HTRA2: variants seen among roughly 807,000 people sequenced by gnomAD.
The protein encoded by HTRA2 is HtrA serine peptidase 2.
In HTRA2, 24 loss-of-function variants were observed where a neutral mutation model predicts 42.2. The ratio of observed to expected loss-of-function variants is 0.57; its 90% CI spans 0.41 to 0.80. The LOEUF is 0.80. Among genes scored for constraint, HTRA2 ranks in the 30% least tolerant of loss-of-function variants. The pLI, the probability that HTRA2 is intolerant of heterozygous loss-of-function variation, is 0.00. For missense variants in HTRA2, 466 were observed against 613.5 expected, an observed-to-expected ratio of 0.76 and a Z score of 2.54; for synonymous variants, 245 against 255.8, an observed-to-expected ratio of 0.96 and a Z score of 0.40.
chr2:74,529,656 G>A (rs1467910467), upstream of HTRA2: 8 of 1,546,534 alleles, frequency 5.2e-6, no homozygotes, highest in Non-Finnish European at 7.0e-6. Flanking sequence ...GCGCCCGGCC[G>A]TCGCCGCCGC....
In HTRA2 at chr2:74,533,039, G is replaced by A; in HGVS notation, c.*54G>A. The A allele has an allele frequency of 1.3e-6, 2 of 1,585,018 alleles. No individual in the cohort carries two copies. Among genetic ancestry groups the A allele is most frequent in the Non-Finnish European group, 1.7e-6 (2 of 1,157,178 alleles). On this transcript the variant is annotated 3_prime_UTR_variant, in exon 8 of 8. Coordinates refer to ENST00000258080, the MANE Select transcript of HTRA2 (RefSeq NM_013247.5). ...CTCTGATTTCCTCCTTGCCTTTCTGGCTGAGGTTCTGAGGGCACCGAGACA... is the reference window on the plus strand; with the variant it reads ...CTCTGATTTCCTCCTTGCCTTTCTGACTGAGGTTCTGAGGGCACCGAGACA...
chr2:74,530,599 G>C lies in HTRA2; in HGVS notation c.507-18G>C, dbSNP rs754451039. ...GGGGTCAGAGCCTCCTCTTATCTGT[G>C]CTTTCCCTCCATTTCAGGCACCCTT... On this transcript the variant is annotated intron_variant, in intron 1 of 7. Coordinates refer to ENST00000258080, the MANE Select transcript of HTRA2 (RefSeq NM_013247.5). The surrounding 1 kb of genome is among the most constrained non-coding windows in gnomAD (Gnocchi z 7.4). 3 of 1,613,980 alleles carry C rather than the reference G, an allele frequency of 1.9e-6. No homozygotes were observed. In the East Asian group the frequency reaches 6.7e-5, roughly 36 times the overall value.
rs771194907 is a variant in HTRA2 at position 74,531,063 on chromosome 2, C to G, written c.864C>G (p.Pro288=). The G allele has an allele frequency of 1.2e-6, 2 of 1,614,148 alleles. No homozygotes were observed. Among genetic ancestry groups the G allele is most frequent in the Admixed American group, 3.3e-5 (2 of 60,014 alleles). The part of the protein sequence containing the change: ...AQRPARDLGL[P]QTNVEYIQTD... The stretch of plus-strand genomic sequence containing the variant: ...GTCCAGCCAGAGACCTGGGACTCCC[C>G]CAAACCAATGTGGAATACATTCAAA... The change falls in exon 3 of 8, where the codon CCC becomes CCG. Residue 288 remains proline (P), a synonymous_variant. Transcript: ENST00000258080.
At position 74,530,397 on chromosome 2, in the gene HTRA2, G is replaced by T. The variant is rs1675501520; in HGVS notation, c.391G>T (p.Val131Phe). ...LWGGGRGPPA[V>F]LAAVPSPPPA... ...GGGCGGGGGTCGGGGTCCTCCGGCC[G>T]TCCTCGCCGCCGTCCCTAGCCCGCC... The change falls in exon 1 of 8, where the codon GTC becomes TTC. Residue 131 changes from valine (V) to phenylalanine (F), a missense_variant. Transcript: ENST00000258080. The surrounding 1 kb of genome is among the most constrained non-coding windows in gnomAD (Gnocchi z 7.4). 1 of 1,594,578 alleles carries T rather than the reference G, an allele frequency of 6.3e-7. No individual in the cohort carries two copies.
downstream of HTRA2, chr2:74,533,379 C>G: frequency 5.3e-6 from 3 of 563,014 alleles, no homozygotes; most frequent in South Asian, 6.1e-5. Context: ...CTGGTCTGTT[C>G]TGCTCGGTGC....
rs781093029 is a variant in HTRA2 at position 74,530,029 on chromosome 2, G to T, written c.23G>T (p.Arg8Leu). 6.4e-7 allele frequency: 1 copy of T among 1,551,044 alleles called. No homozygotes were observed. The highest frequency in any genetic ancestry group is 2.3e-5 in the East Asian group (1 of 43,860). Residue 8 changes from arginine (R) to leucine (L), a missense_variant, in exon 1 of 8, where the codon CGG becomes CTG. Physicochemically the swap from Arg to Leu is moderately radical, Grantham distance 102. Coordinates refer to ENST00000258080, the MANE Select transcript of HTRA2 (RefSeq NM_013247.5). This position sits in a 1 kb window ranked among gnomAD's most constrained non-coding sequence, Gnocchi z 7.4. MAAPRAG[R>L]GAGWSLRAWR... is the part of the protein sequence containing the mutation. ...CTGATGGCTGCGCCGAGGGCGGGGC[G>T]GGGTGCAGGCTGGAGCCTTCGGGCA...
At position 74,531,687 on chromosome 2, in the gene HTRA2, C is replaced by G. The variant is rs1386143095; in HGVS notation, c.1030C>G (p.Arg344Gly). ...PSDRLREFLH[R>G]GEKKNSSSGI... ...TGATCGTCTTCGAGAGTTTCTGCAT[C>G]GTGGGGAAAAGAAGAGTGAGCCTGC... The change falls in exon 5 of 8, where the codon CGT becomes GGT. Residue 344 changes from arginine to glycine, a missense_variant. Physicochemically the swap from Arg to Gly is moderately radical, Grantham distance 125. Coordinates refer to ENST00000258080, the MANE Select transcript of HTRA2 (RefSeq NM_013247.5). 6.2e-7 allele frequency: 1 copy of G among 1,613,984 alleles called. No individual in the cohort carries two copies. The highest frequency in any genetic ancestry group is 8.5e-7 in the Non-Finnish European group (1 of 1,180,026).
At position 74,531,095 on chromosome 2, in the gene HTRA2, C is replaced by G; in HGVS notation, c.896C>G (p.Ala299Gly). The G allele has an allele frequency of 6.2e-7, 1 of 1,614,072 alleles. No individual in the cohort carries two copies. The highest frequency in any genetic ancestry group is 8.5e-7 in the Non-Finnish European group (1 of 1,179,992). ...AATGTGGAATACATTCAAACTGATGCAGCTATTGATGTGCGTCCTGATAGG... is the reference window on the plus strand; with the variant it reads ...AATGTGGAATACATTCAAACTGATGGAGCTATTGATGTGCGTCCTGATAGG... ...QTNVEYIQTD[A>G]AIDFGNSGGP... The change falls in exon 3 of 8, where the codon GCA (alanine) becomes GGA (glycine). Residue 299 changes from alanine to glycine, a missense_variant. This residue lies in a region of HTRA2 where 115 missense variants were observed against 245.4 expected (regional missense o/e 0.47). Coordinates refer to ENST00000258080, the MANE Select transcript of HTRA2 (RefSeq NM_013247.5).
In HTRA2 at chr2:74,530,331, G is replaced by A. The variant is rs1172666570; in HGVS notation, c.325G>A (p.Val109Met). The A allele has an allele frequency of 1.1e-5, 18 of 1,594,600 alleles. No individual in the cohort carries two copies. The highest frequency in any genetic ancestry group is 1.5e-5 in the Non-Finnish European group (18 of 1,168,668). ...SGTRSRAWLA[V>M]ALGAGGAVLL... Reference sequence around the variant, plus strand: ...AACCCGTTCGCGCGCGTGGCTGGCGGTGGCGCTGGGCGCTGGGGGGGCAGT... The same window carrying A: ...AACCCGTTCGCGCGCGTGGCTGGCGATGGCGCTGGGCGCTGGGGGGGCAGT... The change falls in exon 1 of 8, where the codon GTG becomes ATG. Residue 109 changes from valine (V) to methionine (M), a missense_variant. By Grantham distance (21) the Val-to-Met change is conservative. Transcript: ENST00000258080. This position sits in a 1 kb window ranked among gnomAD's most constrained non-coding sequence, Gnocchi z 7.4.
rs775840965 is a variant in HTRA2 at position 74,530,042 on chromosome 2, G to T, written c.36G>T (p.Trp12Cys). The T allele has an allele frequency of 1.3e-6, 2 of 1,575,350 alleles. No homozygotes were observed. Among genetic ancestry groups the T allele is most frequent in the Non-Finnish European group, 1.7e-6 (2 of 1,154,746 alleles). Residue 12 changes from tryptophan (W) to cysteine (C), a missense_variant, in exon 1 of 8, where the codon TGG becomes TGT. Transcript: ENST00000258080. The surrounding 1 kb of genome is among the most constrained non-coding windows in gnomAD (Gnocchi z 7.4). Reference sequence around the variant, plus strand: ...CGAGGGCGGGGCGGGGTGCAGGCTGGAGCCTTCGGGCATGGCGGGCTTTGG... The same window carrying T: ...CGAGGGCGGGGCGGGGTGCAGGCTGTAGCCTTCGGGCATGGCGGGCTTTGG... ...AAPRAGRGAG[W>C]SLRAWRALGG... is the part of the protein sequence containing the mutation.
At chr2:74,529,456 C>T (rs370173846), upstream of HTRA2, 1 of 1,564,938 alleles carries the variant, frequency 6.4e-7, no homozygotes, top group Admixed American at 1.9e-5. Context: ...CCGACTGGCG[C>T]GTAGAGCAGC....
In HTRA2 at chr2:74,532,825, G is replaced by A. The variant is rs773390454; in HGVS notation, c.1217G>A (p.Gly406Asp). The A allele has an allele frequency of 2.5e-6, 4 of 1,613,970 alleles. No individual in the cohort carries two copies. Among genetic ancestry groups the A allele is most frequent in the African/African-American group, 1.3e-5 (1 of 74,868 alleles). Residue 406 changes from glycine to aspartate, a missense_variant, in exon 8 of 8, where the codon GGT becomes GAT. This residue lies in a region of HTRA2 where 129 missense variants were observed against 163.1 expected (regional missense o/e 0.79). Transcript: ENST00000258080. ...VILGSPAHRA[G>D]LRPGDVILAI... ...CTGTCCATTTTTCTCTATAGGGCTG[G>A]TCTGCGGCCTGGTGATGTGATTTTG...
chr2:74,533,412 C>G (rs1675770629), downstream of HTRA2: 1 of 589,442 alleles, frequency 1.7e-6, no homozygotes, highest in Non-Finnish European at 3.0e-6. Context: ...CAAAGATTCC[C>G]ATGCTTGGCT....
In HTRA2 at chr2:74,530,181, G is replaced by T; in HGVS notation, c.175G>T (p.Ala59Ser). ...GACTTATGGGACCCCCAGTCTCTGG[G>T]CCCGGTTGTCTGTTGGGGTCACTGA... is the stretch of plus-strand genomic sequence containing the variant. ...RVTYGTPSLWARLSVGVTEPR... is the reference protein window; with the variant it reads ...RVTYGTPSLWSRLSVGVTEPR... The change falls in exon 1 of 8, where the codon GCC (alanine) becomes TCC (serine). Residue 59 changes from alanine (A) to serine (S), a missense_variant. Physicochemically the swap from Ala to Ser is moderately conservative, Grantham distance 99. This residue lies in a region of HTRA2 where 222 missense variants were observed against 205.1 expected (regional missense o/e 1.08). Coordinates refer to ENST00000258080, the MANE Select transcript of HTRA2 (RefSeq NM_013247.5). The surrounding 1 kb of genome is among the most constrained non-coding windows in gnomAD (Gnocchi z 7.4). 6.2e-7 allele frequency: 1 copy of T among 1,611,848 alleles called. No individual in the cohort carries two copies. Among genetic ancestry groups the T allele is most frequent in the Non-Finnish European group, 8.5e-7 (1 of 1,179,284 alleles).
chr2:74,530,897 C>T lies in HTRA2; in HGVS notation c.712-14C>T, dbSNP rs772013612. 1.2e-6 allele frequency: 2 copies of T among 1,614,124 alleles called. No individual in the cohort carries two copies. The highest frequency in any genetic ancestry group is 1.7e-6 in the Non-Finnish European group (2 of 1,180,034). ...TCTTCAGATGACAGGTCTCTTTTAC[C>T]CATTCTCCCTTAGGAGCCTCTCCCC... On this transcript the variant is annotated splice_polypyrimidine_tract_variant and intron_variant, in intron 2 of 7. Transcript: ENST00000258080. This position sits in a 1 kb window ranked among gnomAD's most constrained non-coding sequence, Gnocchi z 7.4.
Position 74,530,577 on chromosome 2 carries a change from G to T in HTRA2, c.507-40G>T, listed in dbSNP as rs1675520443. ...GCTGGAGGGCGGGCGGGTAGGAGGG[G>T]TCAGAGCCTCCTCTTATCTGTGCTT... On this transcript the variant is annotated intron_variant, in intron 1 of 7. Transcript: ENST00000258080. This position sits in a 1 kb window ranked among gnomAD's most constrained non-coding sequence, Gnocchi z 7.4. 3.1e-6 allele frequency: 5 copies of T among 1,613,704 alleles called. No homozygotes were observed. Among genetic ancestry groups the T allele is most frequent in the Middle Eastern group, 3.3e-4 (2 of 6,060 alleles).
In HTRA2 at chr2:74,530,988, C is replaced by A; in HGVS notation, c.789C>A (p.Pro263=). 1 of 1,614,240 alleles carries A rather than the reference C, an allele frequency of 6.2e-7. No homozygotes were observed. ...QGEFVVAMGS[P]FALQNTITSG... is the part of the protein sequence containing the mutation. Reference sequence around the variant, plus strand: ...AGTTTGTTGTTGCCATGGGAAGTCCCTTTGCACTGCAGAACACGATCACAT... The same window carrying A: ...AGTTTGTTGTTGCCATGGGAAGTCCATTTGCACTGCAGAACACGATCACAT... The change falls in exon 3 of 8, where the codon CCC becomes CCA. Residue 263 remains proline, a synonymous_variant. Coordinates refer to ENST00000258080, the MANE Select transcript of HTRA2 (RefSeq NM_013247.5). This position sits in a 1 kb window ranked among gnomAD's most constrained non-coding sequence, Gnocchi z 7.4.
At position 74,530,692 on chromosome 2, in the gene HTRA2, C is replaced by T. The variant is rs760930273; in HGVS notation, c.582C>T (p.Val194=). 1.2e-6 allele frequency: 2 copies of T among 1,614,190 alleles called. No individual in the cohort carries two copies. Among genetic ancestry groups the T allele is most frequent in the South Asian group, 1.1e-5 (1 of 91,078 alleles). The change falls in exon 2 of 8, where the codon GTC becomes GTT. Residue 194 remains valine (V), a synonymous_variant. Transcript: ENST00000258080. The surrounding 1 kb of genome is among the most constrained non-coding windows in gnomAD (Gnocchi z 7.4). ...GFVVAADGLI[V]TNAHVVADRR... ...TGGTGGCTGCCGATGGGCTCATTGT[C>T]ACCAACGCCCATGTGGTGGCTGATC...
At chr2:74,531,302 C>A in intron 3 of HTRA2, 37 bp from the exon 4 acceptor site, 1 of 1,611,412 alleles carries the variant, frequency 6.2e-7, no homozygotes, top group South Asian at 1.1e-5. Context: ...GACTTAGAAT[C>A]CCCAGATCTC....
Sources: allele counts gnomAD v4.1 joint callset, GRCh38; gene constraint gnomAD v4.1.1; regional missense constraint gnomAD v4.1.1; non-coding constraint Gnocchi (gnomAD v3.1); transcripts MANE v1.5; gene names NCBI Gene and HGNC (gene_info 2026-07-23, HGNC 2026-07-21).